ARHGEF3: variants seen among roughly 807,000 people sequenced by gnomAD.
ARHGEF3 encodes the protein Rho guanine nucleotide exchange factor 3.
In ARHGEF3, 28 loss-of-function variants were observed where a neutral mutation model predicts 63.2. The ratio of observed to expected loss-of-function variants is 0.44; its 90% CI spans 0.33 to 0.61. The LOEUF (loss-of-function observed/expected upper bound fraction) is 0.61. Ranked by LOEUF, ARHGEF3 falls within the 20% of genes least tolerant of loss-of-function variation. The probability of loss-of-function intolerance (pLI) is 0.03; values close to 1 mark genes in which losing one functional copy is unlikely to be tolerated. For synonymous variants in ARHGEF3, 266 were observed against 254.2 expected, an observed-to-expected ratio of 1.05 and a Z score of -0.44; for missense variants, 533 against 659.3, an observed-to-expected ratio of 0.81 and a Z score of 2.10.
At chr3:56,896,477 C>T (rs1364933914) in intron 3 of ARHGEF3, among the ~76,000 whole-genome samples, 1 of 152,176 alleles carries the variant, frequency 6.6e-6, no homozygotes, top group Non-Finnish European at 1.5e-5. Flanking sequence ...TCGTTCACCA[C>T]TTTTTTTAAA....
intron 2 of ARHGEF3, among the ~76,000 whole-genome samples, chr3:56,988,268 T>A (rs1701618581): frequency 6.6e-6 from 1 of 152,124 alleles, no homozygotes. Flanking sequence ...TGCCTCAGCC[T>A]CCTGAGTAGC....
At position 57,073,993 on chromosome 3, in the gene ARHGEF3, ATCT is replaced by A. The variant is rs750806507; in HGVS notation, c.-28+5230_-28+5232del. On this transcript the variant is annotated intron_variant, in intron 1 of 12. Coordinates refer to the ARHGEF3 transcript ENST00000338458. ...CTTGACATCGCTGTATCCCAAATAA[ATCT>A]TCTGGGAAGACCCTCTTCACCTCCA... 1.6e-5 allele frequency: 26 copies of A among 1,614,228 alleles called. 1 individual carries two copies. Among genetic ancestry groups the A allele is most frequent in the South Asian group, 1.5e-4 (14 of 91,078 alleles).
chr3:56,729,383 C>A lies in ARHGEF3; in HGVS notation c.1468G>T (p.Asp490Tyr). The A allele has an allele frequency of 6.2e-7, 1 of 1,614,130 alleles. No homozygotes were observed. The highest frequency in any genetic ancestry group is 8.5e-7 in the Non-Finnish European group (1 of 1,180,016). Residue 490 changes from aspartate (D) to tyrosine (Y), a missense_variant, in exon 10 of 10, where the codon GAC becomes TAC. By Grantham distance (160) the Asp-to-Tyr change is radical (BLOSUM62 -3). Transcript: ENST00000296315. Reference sequence around the variant, plus strand: ...TCCATACTACAGTCTGACTCACTGTCCGATTGGTCCATCTGCTCAAGTTTT... The same window carrying A: ...TCCATACTACAGTCTGACTCACTGTACGATTGGTCCATCTGCTCAAGTTTT... ...ETKLEQMDQS[D>Y]SESDCSMDTS... is the part of the protein sequence containing the mutation.
intron 2 of ARHGEF3, among the ~76,000 whole-genome samples, chr3:56,976,279 G>A (rs1238009047): frequency 2.6e-5 from 4 of 152,152 alleles, no homozygotes; most frequent in African/African-American, 9.7e-5. Context: ...CTGACCTCAA[G>A]TGATCTGCCG....
At chr3:57,015,418 A>G (rs1702949987) in intron 2 of ARHGEF3, among the ~76,000 whole-genome samples, 1 of 152,054 alleles carries the variant, frequency 6.6e-6, no homozygotes, top group Non-Finnish European at 1.5e-5. Flanking sequence ...TGCTCTTACA[A>G]TTTTGTAAAA....
At chr3:56,921,887 T>C (rs1174537430) in intron 3 of ARHGEF3, among the ~76,000 whole-genome samples, 1 of 152,230 alleles carries the variant, frequency 6.6e-6, no homozygotes, top group Non-Finnish European at 1.5e-5. Context: ...AAATAAATGA[T>C]GCTGGAACAT....
At chr3:57,044,826 G>A (rs1043753653) in intron 1 of ARHGEF3, among the ~76,000 whole-genome samples, 14 of 152,212 alleles carry the variant, frequency 9.2e-5, no homozygotes, top group African/African-American at 3.4e-4. Flanking sequence ...CCTGGTTCCA[G>A]GATGCCTGTC....
chr3:57,022,446 T>G (rs1703298930), intron 2 of ARHGEF3, among the ~76,000 whole-genome samples: 1 of 151,694 alleles, frequency 6.6e-6, no homozygotes. Flanking sequence ...AAAAAAAAAG[T>G]TATTAATCAA....
In ARHGEF3 at chr3:56,946,980, C is replaced by G. The variant is rs142890449; in HGVS notation, c.129+11843G>C. On this transcript the variant is annotated intron_variant, in intron 3 of 12. Transcript: ENST00000338458. ...AGAGTGGGGGCCAATATTCGACATT[C>G]TTAAAGAAAAGAATTTCCAACCCAG... Among the ~76,000 whole-genome samples the G allele has an allele frequency of 5.2e-3, 798 of 152,328 alleles. 7 individuals are homozygous for G. The highest frequency in any genetic ancestry group is 0.019 in the African/African-American group (776 of 41,570).
At chr3:56,924,652 T>C (rs2042233333) in intron 3 of ARHGEF3, among the ~76,000 whole-genome samples, 1 of 152,220 alleles carries the variant, frequency 6.6e-6, no homozygotes, top group East Asian at 1.9e-4. Flanking sequence ...CCAAGGCGTT[T>C]GTAAACTGTC....
At chr3:56,949,601 C>T (rs1187507674) in intron 3 of ARHGEF3, among the ~76,000 whole-genome samples, 1 of 151,916 alleles carries the variant, frequency 6.6e-6, no homozygotes, top group African/African-American at 2.4e-5. Flanking sequence ...TCAAGGAGAA[C>T]CACAAACCAC....
At chr3:56,978,806 G>C (rs1701218575) in intron 2 of ARHGEF3, among the ~76,000 whole-genome samples, 1 of 152,178 alleles carries the variant, frequency 6.6e-6, no homozygotes, top group Non-Finnish European at 1.5e-5. Context: ...AACATTGCCA[G>C]AGAGGGAGAA....
chr3:57,047,545 G>A (rs7636561), intron 1 of ARHGEF3, among the ~76,000 whole-genome samples: 122 of 152,224 alleles, frequency 8.0e-4, no homozygotes, highest in African/African-American at 2.9e-3. Context: ...CCATCTCATG[G>A]GACTATTATG....
At chr3:57,053,533 C>T (rs535243194) in intron 1 of ARHGEF3, among the ~76,000 whole-genome samples, 1 of 152,322 alleles carries the variant, frequency 6.6e-6, no homozygotes, top group Admixed American at 6.5e-5. Flanking sequence ...CCATAAAACG[C>T]ATCAATCTTA....
At chr3:56,861,936 C>T (rs1266388709) in intron 4 of ARHGEF3, among the ~76,000 whole-genome samples, 1 of 150,664 alleles carries the variant, frequency 6.6e-6, no homozygotes, top group Non-Finnish European at 1.5e-5. Flanking sequence ...TCTGCTTCCA[C>T]TGGTCTATAA....
intron 1 of ARHGEF3, among the ~76,000 whole-genome samples, chr3:57,056,601 C>A (rs184311804): frequency 6.6e-5 from 10 of 151,876 alleles, no homozygotes; most frequent in Non-Finnish European, 1.3e-4. Context: ...GGAGGCATGA[C>A]GAGGAGTGGA....
chr3:56,815,161 A>G (rs1039384), intron 4 of ARHGEF3, among the ~76,000 whole-genome samples: 34,996 of 151,724 alleles, frequency 0.23, 4,220 homozygotes, highest in South Asian at 0.39. Flanking sequence ...ATTAAAAAAA[A>G]AAAAAAAAGA....
rs546983247 is a variant in ARHGEF3, at chr3:56,944,207, A to G, written c.129+14616T>C. 5.3e-5 allele frequency among the ~76,000 whole-genome samples: 8 copies of G among 152,196 alleles called. No homozygotes were observed. In the South Asian group the frequency reaches 1.7e-3, roughly 32 times the overall value. Reference sequence around the variant, plus strand: ...AACAAAAACAAAACAAAACAAAAACATCTCTTAAGGCCATAGGTGCCATAG... The same window carrying G: ...AACAAAAACAAAACAAAACAAAAACGTCTCTTAAGGCCATAGGTGCCATAG... On this transcript the variant is annotated intron_variant, in intron 3 of 12. Coordinates refer to the ARHGEF3 transcript ENST00000338458.
chr3:57,070,918 G>A (rs1705853060), intron 1 of ARHGEF3, among the ~76,000 whole-genome samples: 1 of 148,312 alleles, frequency 6.7e-6, no homozygotes, highest in South Asian at 2.1e-4. Flanking sequence ...GCTACAGTGA[G>A]CAGTGATCAT....
Sources: allele counts gnomAD v4.1 joint callset (sites outside exome capture counted in the v4.1 genomes callset), GRCh38; gene constraint gnomAD v4.1.1; transcripts MANE v1.5; gene names NCBI Gene and HGNC (gene_info 2026-07-23, HGNC 2026-07-21).